EML1: variants seen among roughly 807,000 people sequenced by gnomAD.
The protein encoded by EML1 is EMAP like 1.
In EML1, 27 loss-of-function variants were observed where a neutral mutation model predicts 110.4. That is an observed-to-expected ratio of 0.24 (90% CI 0.18 to 0.34). EML1 has a LOEUF of 0.34. Ranked by LOEUF, EML1 falls within the 10% of genes least tolerant of loss-of-function variation. EML1 has a pLI of 1.00. For missense variants in EML1, 741 were observed against 1,030.9 expected, an observed-to-expected ratio of 0.72 and a Z score of 3.85; for synonymous variants, 344 against 385.8, an observed-to-expected ratio of 0.89 and a Z score of 1.27.
chr14:99,777,245 CT>C, intron 1 of EML1, among the ~76,000 whole-genome samples: 1 of 149,482 alleles, frequency 6.7e-6, no homozygotes, highest in Admixed American at 6.6e-5. Context: ...ACTGCACGTA[CT>C]TAAAAAAAAA....
Position 99,794,708 on chromosome 14 carries a change from T to C in EML1, c.67+1165T>C, listed in dbSNP as rs112926973. ...TGAACCATTTGTGGGCCTTCATGAA[T>C]TTAGTAATTCCCTCTTCAGTGGAAT... On this transcript the variant is annotated intron_variant, in intron 1 of 21. Transcript: ENST00000262233. Among the ~76,000 whole-genome samples, 243 of 152,342 alleles carry C rather than the reference T, an allele frequency of 1.6e-3. 1 individual carries two copies. Among genetic ancestry groups the C allele is most frequent in the South Asian group, 0.012 (58 of 4,832 alleles).
At chr14:99,757,357 A>C (rs2140182360) in intron 1 of EML1, among the ~76,000 whole-genome samples, 1 of 152,114 alleles carries the variant, frequency 6.6e-6, no homozygotes, top group East Asian at 1.9e-4. Context: ...AAAAAAAAGA[A>C]TTGTTAAAAA....
chr14:99,897,313 C>A lies in EML1; in HGVS notation c.827+19C>A. The A allele has an allele frequency of 6.4e-7, 1 of 1,572,796 alleles. No homozygotes were observed. The highest frequency in any genetic ancestry group is 1.2e-5 in the South Asian group (1 of 84,686). Reference sequence around the variant, plus strand: ...TGAAGTGGTAAGTCCTGAAACAGGTCATTCCTGCGACTCAGAAGGCGAAGG... The same window carrying A: ...TGAAGTGGTAAGTCCTGAAACAGGTAATTCCTGCGACTCAGAAGGCGAAGG... On this transcript the variant is annotated intron_variant, in intron 7 of 21. Coordinates refer to ENST00000262233, the MANE Select transcript of EML1 (RefSeq NM_004434.3).
At chr14:99,812,163 A>G (rs1190406514) in intron 1 of EML1, among the ~76,000 whole-genome samples, 3 of 151,842 alleles carry the variant, frequency 2.0e-5, no homozygotes, top group Non-Finnish European at 2.9e-5. Flanking sequence ...TAATAGGTGA[A>G]CAGTACGTGT....
intron 1 of EML1, among the ~76,000 whole-genome samples, chr14:99,750,333 G>A (rs1055614723): frequency 2.6e-5 from 4 of 152,218 alleles, no homozygotes; most frequent in South Asian, 2.1e-4. Flanking sequence ...AGGCTCCAGG[G>A]AGAGGTGCTG....
intron 1 of EML1, among the ~76,000 whole-genome samples, chr14:99,745,222 C>T (rs561231753): frequency 6.6e-6 from 1 of 152,226 alleles, no homozygotes; most frequent in South Asian, 2.1e-4. Context: ...TGCGCCACCA[C>T]ACCTGGCTAA....
chr14:99,871,158 CA>C (rs2139905874), intron 3 of EML1, among the ~76,000 whole-genome samples: 1 of 152,218 alleles, frequency 6.6e-6, no homozygotes, highest in South Asian at 2.1e-4. Context: ...AGGGTTTTGC[CA>C]TGTTGGCTAA....
chr14:99,864,718 A>G (rs961298145), intron 2 of EML1, among the ~76,000 whole-genome samples: 1 of 150,828 alleles, frequency 6.6e-6, no homozygotes, highest in Non-Finnish European at 1.5e-5. Flanking sequence ...AGGCTGAGGT[A>G]GGAGAATCGC....
chr14:99,851,278 A>G (rs976456011), intron 2 of EML1, among the ~76,000 whole-genome samples: 1 of 152,118 alleles, frequency 6.6e-6, no homozygotes, highest in African/African-American at 2.4e-5. Flanking sequence ...TGTTGAGTCA[A>G]GGAAGGAACA....
At chr14:99,816,349 G>T (rs1277444209) in intron 1 of EML1, among the ~76,000 whole-genome samples, 1 of 152,178 alleles carries the variant, frequency 6.6e-6, no homozygotes, top group Non-Finnish European at 1.5e-5. Context: ...TTTTAGTAGA[G>T]ATGGGGTTTC....
At chr14:99,877,204 A>C (rs1410895100) in intron 3 of EML1, among the ~76,000 whole-genome samples, 1 of 152,062 alleles carries the variant, frequency 6.6e-6, no homozygotes, top group Non-Finnish European at 1.5e-5. Context: ...GAAAAGGGTA[A>C]GAGAGCTCTC....
At chr14:99,830,958 C>G (rs566226713) in intron 1 of EML1, among the ~76,000 whole-genome samples, 4 of 152,282 alleles carry the variant, frequency 2.6e-5, no homozygotes, top group African/African-American at 9.6e-5. Context: ...TTGACCAACT[C>G]CTTTTGATTC....
chr14:99,759,052 C>T (rs1271348669), intron 1 of EML1, among the ~76,000 whole-genome samples: 1 of 152,248 alleles, frequency 6.6e-6, no homozygotes, highest in South Asian at 2.1e-4. Context: ...AGTTGAAAAG[C>T]TGCTGCCCAG....
At chr14:99,756,257 C>T (rs559478949) in intron 1 of EML1, among the ~76,000 whole-genome samples, 56 of 152,272 alleles carry the variant, frequency 3.7e-4, no homozygotes, top group African/African-American at 1.1e-3. Context: ...CAGTCCCTTC[C>T]GACTTAAGGG....
In EML1 at chr14:99,907,618, G is replaced by A; in HGVS notation, c.1009-20G>A. ...CTTTATTCTCAGATATAGTCTTCCT[G>A]TGAATAACTTTCTTTTCAGAATGGA... On this transcript the variant is annotated intron_variant, in intron 9 of 21. Coordinates refer to ENST00000262233, the MANE Select transcript of EML1 (RefSeq NM_004434.3). 6.2e-7 allele frequency: 1 copy of A among 1,608,450 alleles called. No individual in the cohort carries two copies.
intron 1 of EML1, among the ~76,000 whole-genome samples, chr14:99,843,750 T>G (rs750810038): frequency 4.6e-5 from 7 of 152,192 alleles, no homozygotes; most frequent in Non-Finnish European, 8.8e-5. Context: ...TTCTCCTACC[T>G]TAGTAGAACT....
At chr14:99,909,269 A>G (rs2059907164) in intron 10 of EML1, 76 bp from the exon 11 acceptor site, 6 of 1,603,866 alleles carry the variant, frequency 3.7e-6, no homozygotes, top group African/African-American at 1.3e-5. Flanking sequence ...TGTGGCTCAC[A>G]TTTTACTTGT....
At chr14:99,922,361 C>T (rs1397789872) in intron 17 of EML1, among the ~76,000 whole-genome samples, 1 of 152,146 alleles carries the variant, frequency 6.6e-6, no homozygotes, top group Admixed American at 6.5e-5. Flanking sequence ...GGTGATCCAC[C>T]CACCTCGGCC....
intron 17 of EML1, among the ~76,000 whole-genome samples, chr14:99,927,782 T>A (rs2140104749): frequency 5.1e-5 from 3 of 59,102 alleles, no homozygotes; most frequent in Admixed American, 2.5e-4. Context: ...GTGGTGGTAG[T>A]GGTGGTGGTA....
Sources: allele counts gnomAD v4.1 joint callset (sites outside exome capture counted in the v4.1 genomes callset), GRCh38; gene constraint gnomAD v4.1.1; transcripts MANE v1.5; gene names NCBI Gene and HGNC (gene_info 2026-07-23, HGNC 2026-07-21).